CNOT1: variants seen among roughly 807,000 people sequenced by gnomAD.
The protein encoded by CNOT1 is CCR4-NOT transcription complex subunit 1, also known as CCR4-associated factor 1.
A neutral mutation model predicts 273.8 loss-of-function variants in CNOT1; 15 were observed. The ratio of observed to expected loss-of-function variants is 0.05; its 90% CI spans 0.04 to 0.08. CNOT1 has a LOEUF of 0.08. Among genes scored for constraint, CNOT1 ranks in the 10% least tolerant of loss-of-function variants. The pLI is 1.00. For missense variants in CNOT1, 1,644 were observed against 2,912.2 expected (o/e 0.56, Z 10.02); for synonymous variants, 1,022 against 1,005.5 (o/e 1.02, Z -0.31).
intron 20 of CNOT1, 21 bp from the exon 21 acceptor site, chr16:58,555,558 C>T: frequency 2.5e-6 from 4 of 1,605,870 alleles, no homozygotes; most frequent in Non-Finnish European, 3.4e-6. Flanking sequence ...AAGACAAAAA[C>T]AACGCACACA....
chr16:58,624,295 A>G (rs1437692061), intron 1 of CNOT1, among the ~76,000 whole-genome samples: 1 of 152,192 alleles, frequency 6.6e-6, no homozygotes, highest in African/African-American at 2.4e-5. Flanking sequence ...AAAACCCCAC[A>G]CATCTGGTGG....
At chr16:58,522,394 A>G (rs919104192) in intron 47 of CNOT1, among the ~76,000 whole-genome samples, 2 of 152,222 alleles carry the variant, frequency 1.3e-5, no homozygotes, top group African/African-American at 4.8e-5. Context: ...AAGTCCAAGG[A>G]GACTTACTGC....
chr16:58,548,993 T>TA (rs1567399958), intron 25 of CNOT1, among the ~76,000 whole-genome samples: 1 of 152,152 alleles, frequency 6.6e-6, no homozygotes, highest in South Asian at 2.1e-4. Context: ...TTCTGTTTTT[T>TA]AAAAAAGAGG....
Position 58,551,613 on chromosome 16 carries a change from T to C in CNOT1, c.3177A>G (p.Gly1059=), listed in dbSNP as rs2040451885. The change falls in exon 23 of 49, where the codon GGA becomes GGG. Residue 1059 remains glycine, a synonymous_variant. Coordinates refer to ENST00000317147, the MANE Select transcript of CNOT1 (RefSeq NM_016284.5). ...AKTVTVTRPT[G]VSFKKDVPPS... is the part of the protein sequence containing the mutation. ...CTGGCACATCTTTCTTAAAGCTGAC[T>C]CCAGTTGGCCTGGTGACCGTAACCG... 1 of 1,614,086 alleles carries C rather than the reference T, an allele frequency of 6.2e-7. No individual in the cohort carries two copies. Among genetic ancestry groups the C allele is most frequent in the Non-Finnish European group, 8.5e-7 (1 of 1,180,022 alleles).
intron 39 of CNOT1, among the ~76,000 whole-genome samples, chr16:58,535,276 C>A (rs1049355506): frequency 6.6e-6 from 1 of 152,136 alleles, no homozygotes; most frequent in African/African-American, 2.4e-5. Flanking sequence ...GGTTGGACTA[C>A]GATAATACTG....
intron 1 of CNOT1, among the ~76,000 whole-genome samples, chr16:58,621,836 G>A (rs1321741958): frequency 2.0e-5 from 3 of 147,920 alleles, no homozygotes; most frequent in Non-Finnish European, 3.0e-5. Context: ...GCATGAACCC[G>A]GGAGGCGGAG....
At chr16:58,550,483 T>C (rs1449791235) in intron 24 of CNOT1, among the ~76,000 whole-genome samples, 2 of 152,224 alleles carry the variant, frequency 1.3e-5, no homozygotes, top group Admixed American at 6.5e-5. Flanking sequence ...GGTAAATATA[T>C]CTTTTCTTCC....
intron 10 of CNOT1, among the ~76,000 whole-genome samples, chr16:58,581,856 T>A (rs1429009302): frequency 6.6e-6 from 1 of 152,014 alleles, no homozygotes; most frequent in Non-Finnish European, 1.5e-5. Flanking sequence ...AGAGACAGGT[T>A]TTCGCCATGC....
intron 42 of CNOT1, among the ~76,000 whole-genome samples, chr16:58,531,216 C>A (rs1301690706): frequency 6.6e-6 from 1 of 152,292 alleles, no homozygotes; most frequent in East Asian, 1.9e-4. Context: ...CTAGAATGCC[C>A]TTCTCCACCA....
In CNOT1 at chr16:58,551,661, T is replaced by C; in HGVS notation, c.3129A>G (p.Ser1043=). The change falls in exon 23 of 49, where the codon TCA becomes TCG. Residue 1043 remains serine (S), a synonymous_variant. Transcript: ENST00000317147. ...CCGTTTTAGCAACAGTGGTAGTTGT[T>C]GAGGTGGTTACCATAGTGCTAACTT... ...AGQVSTMVTT[S]TTTTVAKTVT... The C allele has an allele frequency of 6.2e-7, 1 of 1,613,900 alleles. No homozygotes were observed. The highest frequency in any genetic ancestry group is 1.1e-5 in the South Asian group (1 of 91,084).
Position 58,545,507 on chromosome 16 carries a change from TAA to T in CNOT1, c.4007-18_4007-17del. On this transcript the variant is annotated splice_polypyrimidine_tract_variant and intron_variant, in intron 29 of 48. Transcript: ENST00000317147. The stretch of plus-strand genomic sequence containing the variant: ...GTAGAAGTTGCTAAATGTCAAGTAA[TAA>T]AAAGAGATTTAAAAAGTACATTTGT... The T allele has an allele frequency of 6.2e-7, 1 of 1,612,534 alleles. No homozygotes were observed. Among genetic ancestry groups the T allele is most frequent in the Non-Finnish European group, 8.5e-7 (1 of 1,179,468 alleles).
At chr16:58,524,763 T>G (rs1244366158) in intron 46 of CNOT1, among the ~76,000 whole-genome samples, 1 of 152,144 alleles carries the variant, frequency 6.6e-6, no homozygotes, top group Non-Finnish European at 1.5e-5. Flanking sequence ...CTGTGAGCTT[T>G]TTGCAGAACA....
chr16:58,582,706 G>A (rs1354254351), intron 10 of CNOT1, 87 bp downstream of exon 10: 83 of 803,268 alleles, frequency 1.0e-4, no homozygotes, highest in Non-Finnish European at 1.6e-4. Flanking sequence ...TTGAGTTAAC[G>A]AAGGTGGAAA....
chr16:58,584,814 T>G (rs1309713563), intron 8 of CNOT1, among the ~76,000 whole-genome samples: 1 of 152,146 alleles, frequency 6.6e-6, no homozygotes, highest in East Asian at 1.9e-4. Flanking sequence ...CCTTAATAAT[T>G]TGCTTTTAGA....
At chr16:58,562,672 A>C (rs535369526) in intron 16 of CNOT1, among the ~76,000 whole-genome samples, 2 of 151,528 alleles carry the variant, frequency 1.3e-5, no homozygotes, top group African/African-American at 4.8e-5. Flanking sequence ...AAATACAAAA[A>C]ATTAGCCGGG....
intron 31 of CNOT1, 102 bp downstream of exon 31, chr16:58,543,505 A>G: frequency 6.4e-7 from 1 of 1,562,932 alleles, no homozygotes; most frequent in East Asian, 2.3e-5. Context: ...GATTATTAAG[A>G]ATAAGTGGTA....
chr16:58,525,442 C>G (rs987050197), intron 45 of CNOT1, 83 bp from the exon 46 acceptor site: 2 of 1,207,164 alleles, frequency 1.7e-6, no homozygotes, highest in Non-Finnish European at 2.3e-6. Context: ...ACCCTTCTTA[C>G]ACCTTCATGG....
intron 16 of CNOT1, among the ~76,000 whole-genome samples, chr16:58,568,544 C>T (rs1314966168): frequency 6.6e-6 from 1 of 150,934 alleles, no homozygotes; most frequent in Admixed American, 6.6e-5. Flanking sequence ...ATTAGCCAGG[C>T]GTGGTGGCAT....
At chr16:58,595,038 C>T (rs1376894933) in intron 2 of CNOT1, among the ~76,000 whole-genome samples, 3 of 151,244 alleles carry the variant, frequency 2.0e-5, no homozygotes, top group Non-Finnish European at 4.4e-5. Context: ...TGCTTGAACC[C>T]GGGAGGCGGA....
Sources: gnomAD v4.1 joint callset for allele counts (sites outside exome capture counted in the v4.1 genomes callset) on GRCh38, gnomAD v4.1.1 for gene constraint, MANE v1.5 for transcripts, NCBI Gene and HGNC (gene_info 2026-07-23, HGNC 2026-07-21) for gene names.